The following ASIC2 variants were observed in gnomAD, a reference collection of about 807,000 sequenced individuals.
The protein encoded by ASIC2 is acid-sensing ion channel 2.
A neutral mutation model predicts 57.3 loss-of-function variants in ASIC2; 25 were observed. The ratio of observed to expected loss-of-function variants is 0.44; its 90% CI spans 0.32 to 0.61. The LOEUF (loss-of-function observed/expected upper bound fraction) is 0.61, where lower values mean the gene tolerates loss of function less well. Among genes scored for constraint, ASIC2 ranks in the 20% least tolerant of loss-of-function variants. The pLI is 0.06. For synonymous variants in ASIC2, 319 were observed against 307.5 expected, an observed-to-expected ratio of 1.04 and a Z score of -0.39; for missense variants, 641 against 738.1, an observed-to-expected ratio of 0.87 and a Z score of 1.52.
chr17:33,104,585 C>T (rs965041001), intron 2 of ASIC2, among the ~76,000 whole-genome samples: 38 of 152,180 alleles, frequency 2.5e-4, no homozygotes, highest in Non-Finnish European at 5.3e-4. Flanking sequence ...CTGTTTTCTA[C>T]GTGGGACTGC....
chr17:33,119,990 C>G (rs1210472881), intron 1 of ASIC2, among the ~76,000 whole-genome samples: 1 of 152,194 alleles, frequency 6.6e-6, no homozygotes, highest in Non-Finnish European at 1.5e-5. Context: ...TCTGTTAAGG[C>G]TCACAAAGCT....
chr17:33,976,364 G>A (rs904747473), intron 1 of ASIC2, among the ~76,000 whole-genome samples: 1 of 151,982 alleles, frequency 6.6e-6, no homozygotes, highest in Non-Finnish European at 1.5e-5. Context: ...TCAGGGACTT[G>A]TGTCCCCATC....
intron 1 of ASIC2, chr17:34,039,322 G>A (rs903796552): frequency 6.2e-7 from 1 of 1,613,834 alleles, no homozygotes; most frequent in African/African-American, 1.3e-5. Context: ...TCCCGTAGAT[G>A]AGGGACTGTT....
chr17:33,991,748 C>T (rs1597965264), intron 1 of ASIC2, among the ~76,000 whole-genome samples: 1 of 152,214 alleles, frequency 6.6e-6, no homozygotes, highest in African/African-American at 2.4e-5. Flanking sequence ...TTAACCACTA[C>T]CCAGTGGGGG....
intron 1 of ASIC2, among the ~76,000 whole-genome samples, chr17:33,120,788 G>A (rs1276645183): frequency 6.6e-6 from 1 of 152,324 alleles, no homozygotes; most frequent in African/African-American, 2.4e-5. Flanking sequence ...GTCTCCTGTA[G>A]ATAGTAGGGG....
At chr17:33,182,850 A>G (rs1906042707) in intron 1 of ASIC2, among the ~76,000 whole-genome samples, 1 of 152,176 alleles carries the variant, frequency 6.6e-6, no homozygotes, top group Admixed American at 6.5e-5. Context: ...GTTCCCGCCC[A>G]AACTCGCCCA....
At chr17:33,155,087 C>A (rs989901940) in intron 1 of ASIC2, among the ~76,000 whole-genome samples, 1 of 152,222 alleles carries the variant, frequency 6.6e-6, no homozygotes, top group Non-Finnish European at 1.5e-5. Context: ...CAGCTGGAGT[C>A]CCAAGACTTC....
At chr17:33,980,938 T>A (rs1247900073) in intron 1 of ASIC2, 2 of 76,118 alleles carry the variant, frequency 2.6e-5, no homozygotes, top group Non-Finnish European at 5.1e-5. Context: ...CTTCCTCAAG[T>A]GTAATTTTTT....
rs536506874 is a variant in ASIC2, at chr17:33,282,579, A to G, written c.708+8829T>C. On this transcript the variant is annotated intron_variant, in intron 1 of 9. Coordinates refer to ENST00000225823, the MANE Select transcript of ASIC2 (RefSeq NM_183377.2). ...AACCTCCGCCTCCCAGGTTCAGGTG[A>G]TTCTCCTGCCTCAGCCTCCCTAGTA... Among the ~76,000 whole-genome samples the G allele has an allele frequency of 2.0e-5, 3 of 151,900 alleles. No homozygotes were observed. In the South Asian group the frequency reaches 6.2e-4, roughly 32 times the overall value.
At chr17:33,997,680 G>A (rs62056819) in intron 1 of ASIC2, among the ~76,000 whole-genome samples, 16,560 of 152,056 alleles carry the variant, frequency 0.11, 1,292 homozygotes, top group East Asian at 0.34. Flanking sequence ...CACATTTGCT[G>A]ATTTGTGTAT....
chr17:33,287,754 G>C (rs1214862785), intron 1 of ASIC2, among the ~76,000 whole-genome samples: 5 of 152,142 alleles, frequency 3.3e-5, no homozygotes, highest in Non-Finnish European at 7.3e-5. Flanking sequence ...AGGGACAGCT[G>C]GCACTTCCCC....
At chr17:33,522,835 T>C (rs1230648283) in intron 1 of ASIC2, among the ~76,000 whole-genome samples, 1 of 152,178 alleles carries the variant, frequency 6.6e-6, no homozygotes, top group Non-Finnish European at 1.5e-5. Context: ...ACTGAAGCCG[T>C]GTGGCATCGC....
At chr17:33,818,671 C>T (rs142886407) in intron 1 of ASIC2, among the ~76,000 whole-genome samples, 1 of 152,172 alleles carries the variant, frequency 6.6e-6, no homozygotes, top group African/African-American at 2.4e-5. Flanking sequence ...AGGACTGCCC[C>T]CACAACAAAG....
intron 1 of ASIC2, among the ~76,000 whole-genome samples, chr17:34,072,897 G>T (rs1360281895): frequency 1.3e-5 from 2 of 152,056 alleles, no homozygotes; most frequent in Non-Finnish European, 2.9e-5. Flanking sequence ...TTTAAGAAAT[G>T]TTTTTTTAAC....
chr17:33,762,000 G>T (rs1404485697), intron 1 of ASIC2, among the ~76,000 whole-genome samples: 2 of 152,168 alleles, frequency 1.3e-5, no homozygotes, highest in Non-Finnish European at 2.9e-5. Flanking sequence ...GTGGATGAAG[G>T]CATGGAAAAA....
chr17:33,372,466 G>T (rs981917723), intron 1 of ASIC2, among the ~76,000 whole-genome samples: 1 of 152,132 alleles, frequency 6.6e-6, no homozygotes. Context: ...GGGTTTAGGG[G>T]CATGAAGCCA....
intron 1 of ASIC2, among the ~76,000 whole-genome samples, chr17:33,796,140 G>A (rs954247354): frequency 3.3e-5 from 5 of 152,126 alleles, no homozygotes; most frequent in Admixed American, 2.0e-4. Flanking sequence ...TAATTGTGTC[G>A]GAGGACAGAC....
At chr17:33,052,616 C>T (rs957515090) in intron 3 of ASIC2, 3 of 152,132 alleles carry the variant, frequency 2.0e-5, no homozygotes, top group African/African-American at 4.8e-5. Flanking sequence ...CAGCCTCTAC[C>T]CAGTGACCTC....
chr17:33,585,002 A>T (rs183496912), intron 1 of ASIC2, among the ~76,000 whole-genome samples: 2 of 152,238 alleles, frequency 1.3e-5, no homozygotes, highest in Non-Finnish European at 2.9e-5. Flanking sequence ...TTTCAGTTGG[A>T]GAAGAGTTTT....
Sources: allele counts gnomAD v4.1 joint callset (sites outside exome capture counted in the v4.1 genomes callset), GRCh38; gene constraint gnomAD v4.1.1; transcripts MANE v1.5; gene names NCBI Gene and HGNC (gene_info 2026-07-23, HGNC 2026-07-21).